Variants in SPATA6L observed in about 807,000 individuals in gnomAD.
The protein encoded by SPATA6L is spermatogenesis associated 6 like.
A neutral mutation model predicts 49.2 loss-of-function variants in SPATA6L; 68 were observed. The observed-to-expected ratio is 1.38, with a 90% CI of 1.14 to 1.69. The LOEUF (loss-of-function observed/expected upper bound fraction) is 1.69, where lower values mean the gene tolerates loss of function less well. Among genes scored for constraint, SPATA6L ranks in the 40% most tolerant of loss-of-function variants. SPATA6L has a pLI of 0.00. For missense variants in SPATA6L, 668 were observed against 464.3 expected (o/e 1.44, Z -4.03); for synonymous variants, 198 against 165.7 (o/e 1.19, Z -1.50).
intron 3 of SPATA6L, among the ~76,000 whole-genome samples, chr9:4,648,681 CA>C (rs1205490402): frequency 7.0e-5 from 8 of 114,078 alleles, no homozygotes; most frequent in Non-Finnish European, 1.1e-4. Flanking sequence ...GCCTGGGCGA[CA>C]GAGCGAGACC....
At chr9:4,636,762 C>T (rs1479738719) in intron 3 of SPATA6L, among the ~76,000 whole-genome samples, 5 of 152,204 alleles carry the variant, frequency 3.3e-5, no homozygotes, top group Admixed American at 1.3e-4. Context: ...TCAGTTCTAC[C>T]GAGGAAAGAA....
At chr9:4,624,468 C>T (rs544787032) in intron 6 of SPATA6L, among the ~76,000 whole-genome samples, 1 of 152,256 alleles carries the variant, frequency 6.6e-6, no homozygotes, top group Admixed American at 6.5e-5. Context: ...TGGCTCATGC[C>T]TGTAATCCCA....
chr9:4,593,546 C>A (rs776970942), downstream of SPATA6L, among the ~76,000 whole-genome samples: 1 of 152,064 alleles, frequency 6.6e-6, no homozygotes, highest in Non-Finnish European at 1.5e-5. Context: ...ATTTTGGGGG[C>A]TGCTTTTTAT....
At chr9:4,636,325 A>C (rs1832801559) in intron 3 of SPATA6L, among the ~76,000 whole-genome samples, 1 of 152,212 alleles carries the variant, frequency 6.6e-6, no homozygotes, top group Non-Finnish European at 1.5e-5. Context: ...TTATATTACA[A>C]TCAGAATATT....
In SPATA6L at chr9:4,656,494, AAGGAAGGAAGGG is replaced by A. The variant is rs1330668923; in HGVS notation, c.178-417_178-406del. 8.6e-3 allele frequency among the ~76,000 whole-genome samples: 1,147 copies of A among 133,604 alleles called. 17 individuals are homozygous for A. The highest frequency in any genetic ancestry group is 0.032 in the African/African-American group (935 of 28,916). The allele number at this position is 133,604 out of a possible 152,430, so 87.6% of individuals were successfully genotyped here. A position where few individuals can be genotyped will look rare whatever the true frequency, so the allele number is the denominator to read the frequency against. Reference sequence around the variant, plus strand: ...GAAGGAAGGAAGGAAGGAAGGAAGGAAGGAAGGAAGGGAGGAGCCGTAAATTATATTCTTCCA... The same window carrying A: ...GAAGGAAGGAAGGAAGGAAGGAAGGAAGGAGCCGTAAATTATATTCTTCCA... On this transcript the variant is annotated intron_variant, in intron 2 of 11. Transcript: ENST00000682582.
At chr9:4,645,350 A>C (rs910166607) in intron 3 of SPATA6L, among the ~76,000 whole-genome samples, 3 of 152,218 alleles carry the variant, frequency 2.0e-5, no homozygotes, top group African/African-American at 7.2e-5. Flanking sequence ...AATACCTGAA[A>C]CTGGGTAATT....
intron 2 of SPATA6L, among the ~76,000 whole-genome samples, chr9:4,657,287 G>C (rs1249503315): frequency 2.0e-5 from 3 of 152,088 alleles, no homozygotes; most frequent in Admixed American, 2.0e-4. Context: ...TGGGTAAGTG[G>C]GGTTTTTTTG....
chr9:4,613,329 T>G (rs142917790), intron 9 of SPATA6L, among the ~76,000 whole-genome samples: 2 of 152,316 alleles, frequency 1.3e-5, no homozygotes, highest in East Asian at 3.9e-4. Context: ...CAGTTGTTAC[T>G]ATGGCTACCA....
intron 9 of SPATA6L, among the ~76,000 whole-genome samples, chr9:4,616,243 C>G (rs974497409): frequency 2.0e-5 from 3 of 152,056 alleles, no homozygotes; most frequent in Admixed American, 6.5e-5. Context: ...TGCCACTGCA[C>G]TCCAGCCTGG....
intron 7 of SPATA6L, among the ~76,000 whole-genome samples, chr9:4,620,654 C>A (rs898625949): frequency 6.6e-6 from 1 of 152,176 alleles, no homozygotes; most frequent in African/African-American, 2.4e-5. Context: ...GTCTGAATGT[C>A]TTCTCTAAAT....
chr9:4,592,424 C>A (rs1344497781), intron 13 of SPATA6L, among the ~76,000 whole-genome samples: 3 of 151,968 alleles, frequency 2.0e-5, no homozygotes, highest in African/African-American at 7.3e-5. Flanking sequence ...TAAATATGAA[C>A]TCATTTAATT....
In SPATA6L at chr9:4,618,093, A is replaced by G. The variant is rs1269622532; in HGVS notation, c.825T>C (p.Asp275=). 3.1e-6 allele frequency: 5 copies of G among 1,608,916 alleles called. No homozygotes were observed. The highest frequency in any genetic ancestry group is 3.4e-6 in the Non-Finnish European group (4 of 1,177,168). Residue 275 remains aspartate (D), a synonymous_variant, in exon 9 of 12, where the codon GAT becomes GAC. Transcript: ENST00000682582. The part of the protein sequence containing the change: ...AANVKVIKEP[D]ERIVLRSDSS... ...AGTCACTCCTTAAAACAATCCGTTC[A>G]TCTGGCTCTTTGATAACCTGAGTGA...
chr9:4,636,054 TTAAC>T (rs762021850), intron 3 of SPATA6L, among the ~76,000 whole-genome samples: 8 of 152,198 alleles, frequency 5.3e-5, no homozygotes, highest in African/African-American at 7.2e-5. Context: ...AGCCTAGAAC[TTAAC>T]TAACTATGTA....
At chr9:4,615,678 A>T in intron 9 of SPATA6L, among the ~76,000 whole-genome samples, 1 of 152,260 alleles carries the variant, frequency 6.6e-6, no homozygotes, top group South Asian at 2.1e-4. Context: ...ACCACAATCT[A>T]TCTCATATTC....
chr9:4,642,084 T>C (rs943026206), intron 3 of SPATA6L, among the ~76,000 whole-genome samples: 1 of 152,200 alleles, frequency 6.6e-6, no homozygotes, highest in Non-Finnish European at 1.5e-5. Context: ...AAATTGTTAA[T>C]GGTAATTATC....
At chr9:4,648,702 A>AAAATAAATAAATAAATAAAT in intron 3 of SPATA6L, among the ~76,000 whole-genome samples, 1 of 44,846 alleles carries the variant, frequency 2.2e-5, no homozygotes. Context: ...CCCGTCTCGA[A>AAAATAAATAAATAAATAAAT]AAATAAATAA....
intron 3 of SPATA6L, among the ~76,000 whole-genome samples, chr9:4,650,305 C>T (rs72694084): frequency 0.062 from 9,451 of 152,178 alleles, 348 homozygotes; most frequent in Middle Eastern, 0.11. Flanking sequence ...GACCTTGGTC[C>T]TAATTCTTTC....
At chr9:4,648,362 AT>A (rs1167255527) in intron 3 of SPATA6L, among the ~76,000 whole-genome samples, 1 of 152,012 alleles carries the variant, frequency 6.6e-6, no homozygotes, top group Non-Finnish European at 1.5e-5. Context: ...TTTTTTTAAA[AT>A]TTTTTTATTT....
chr9:4,648,332 T>C (rs986237269), intron 3 of SPATA6L, among the ~76,000 whole-genome samples: 18 of 152,198 alleles, frequency 1.2e-4, no homozygotes, highest in African/African-American at 4.3e-4. Context: ...AGCACTTAGT[T>C]TGATTCAGCC....
Sources: allele counts gnomAD v4.1 joint callset (sites outside exome capture counted in the v4.1 genomes callset), GRCh38; gene constraint gnomAD v4.1.1; transcripts MANE v1.5; gene names NCBI Gene and HGNC (gene_info 2026-07-23, HGNC 2026-07-21).